EGF: variants seen among roughly 807,000 people sequenced by gnomAD.
EGF encodes epidermal growth factor, also known as pro-epidermal growth factor.
Under a neutral mutation model 143.8 loss-of-function variants are expected in EGF, and 95 were observed. The observed-to-expected ratio is 0.66, with a 90% confidence interval of 0.56 to 0.78. The LOEUF is 0.78. Ranked by LOEUF, EGF falls within the 30% of genes least tolerant of loss-of-function variation. The pLI is 0.00. For missense variants in EGF, 1,320 were observed against 1,470.9 expected, an observed-to-expected ratio of 0.90 and a Z score of 1.68; for synonymous variants, 510 against 510.5, an observed-to-expected ratio of 1.00 and a Z score of 0.01.
At chr4:109,929,734 A>G (rs1739350622) in intron 1 of EGF, among the ~76,000 whole-genome samples, 1 of 152,168 alleles carries the variant, frequency 6.6e-6, no homozygotes, top group Non-Finnish European at 1.5e-5. Context: ...TGGAATTAAG[A>G]CTTAAATTCA....
At chr4:109,962,066 G>T (rs1321690642) in intron 8 of EGF, 81 bp downstream of exon 8, 1 of 1,591,976 alleles carries the variant, frequency 6.3e-7, no homozygotes, top group Admixed American at 1.7e-5. Flanking sequence ...TGATCTTGTT[G>T]TCAAGGAAGA....
chr4:109,987,211 G>A (rs1387588248), intron 16 of EGF, among the ~76,000 whole-genome samples: 1 of 151,978 alleles, frequency 6.6e-6, no homozygotes, highest in Non-Finnish European at 1.5e-5. Context: ...GTTCATATAG[G>A]GTTCCTTGAA....
At chr4:109,970,413 G>C (rs1747376292) in intron 11 of EGF, among the ~76,000 whole-genome samples, 1 of 152,186 alleles carries the variant, frequency 6.6e-6, no homozygotes, top group South Asian at 2.1e-4. Context: ...TAAAAGAAGG[G>C]AGAATGAGGG....
chr4:109,928,441 T>C (rs768650745), intron 1 of EGF, among the ~76,000 whole-genome samples: 3 of 152,076 alleles, frequency 2.0e-5, no homozygotes, highest in Non-Finnish European at 4.4e-5. Context: ...TGGGTTAAGA[T>C]AAGGGGTTGT....
At chr4:109,984,426 A>G (rs1463120586) in intron 16 of EGF, among the ~76,000 whole-genome samples, 1 of 152,164 alleles carries the variant, frequency 6.6e-6, no homozygotes, top group Non-Finnish European at 1.5e-5. Flanking sequence ...TAATTTTAGT[A>G]ATAACAATAA....
At chr4:109,933,573 G>C (rs1740201072) in intron 1 of EGF, among the ~76,000 whole-genome samples, 1 of 151,650 alleles carries the variant, frequency 6.6e-6, no homozygotes, top group African/African-American at 2.4e-5. Context: ...CCCTCCACCA[G>C]CCCCCCACCT....
In EGF at chr4:109,969,206, C is replaced by T. The variant is rs1747172057; in HGVS notation, c.1724+87C>T. On this transcript the variant is annotated intron_variant, in intron 11 of 23. Coordinates refer to ENST00000265171, the MANE Select transcript of EGF (RefSeq NM_001963.6). ...TTGGCTTCATCTTCCACTTTGAACA[C>T]AGAAAAATGTTGCTGGGCATTTGGT... 1.7e-5 allele frequency: 26 copies of T among 1,575,366 alleles called. 1 individual carries two copies. In the Middle Eastern group the frequency reaches 5.0e-4, roughly 31 times the overall value.
At chr4:109,956,968 T>C (rs913065650) in intron 5 of EGF, among the ~76,000 whole-genome samples, 1 of 152,150 alleles carries the variant, frequency 6.6e-6, no homozygotes, top group African/African-American at 2.4e-5. Context: ...CCTCCTGACA[T>C]CATAATCACT....
intron 10 of EGF, among the ~76,000 whole-genome samples, chr4:109,968,079 T>C (rs1290141477): frequency 6.6e-6 from 1 of 151,736 alleles, no homozygotes; most frequent in African/African-American, 2.4e-5. Flanking sequence ...ACTAAACTTA[T>C]AAGAAAAGTA....
intron 3 of EGF, 137 bp from the exon 4 acceptor site, chr4:109,943,705 G>C: frequency 6.2e-6 from 5 of 810,636 alleles, no homozygotes; most frequent in Non-Finnish European, 1.1e-5. Flanking sequence ...CAATAGGGCA[G>C]TGTTTACTTG....
chr4:109,969,114 C>CAG lies in EGF; in HGVS notation c.1722_1723dup (p.Gly575GlufsTer5). ...TTGGCCGTAGATTCTATTGGACAGA[C>CAG]AGAGGGTATGTTTTCTGCTTCAGTT... is the stretch of plus-strand genomic sequence containing the variant. On this transcript the variant is annotated frameshift_variant, in exon 11 of 24. Transcript: ENST00000265171. LOFTEE classifies it high-confidence loss of function. 6.2e-7 allele frequency: 1 copy of CAG among 1,614,080 alleles called. No homozygotes were observed. Among genetic ancestry groups the CAG allele is most frequent in the Non-Finnish European group, 8.5e-7 (1 of 1,180,004 alleles).
chr4:109,963,406 G>A (rs1746032490), intron 9 of EGF, 108 bp downstream of exon 9: 3 of 1,434,002 alleles, frequency 2.1e-6, no homozygotes, highest in East Asian at 2.3e-5. Flanking sequence ...TTTTTGAAAT[G>A]GAAAAAAAGC....
rs1342898570 is a variant in EGF, at chr4:110,012,789, C to A, written c.*1334C>A. Among the ~76,000 whole-genome samples, 1 of 152,132 alleles carries A rather than the reference C, an allele frequency of 6.6e-6. No individual in the cohort carries two copies. Among genetic ancestry groups the A allele is most frequent in the Non-Finnish European group, 1.5e-5 (1 of 68,018 alleles). On this transcript the variant is annotated 3_prime_UTR_variant, in exon 24 of 24. Transcript: ENST00000265171. Reference sequence around the variant, plus strand: ...CATGGTGTTCTAATTAAATATTTTTCTTGCAGCCAAGATATTGTTACTACA... The same window carrying A: ...CATGGTGTTCTAATTAAATATTTTTATTGCAGCCAAGATATTGTTACTACA...
chr4:109,954,989 A>G (rs1211252032), intron 5 of EGF, among the ~76,000 whole-genome samples: 1 of 152,238 alleles, frequency 6.6e-6, no homozygotes, highest in Non-Finnish European at 1.5e-5. Context: ...AATATTGGGG[A>G]TGCCAAATAT....
intron 1 of EGF, among the ~76,000 whole-genome samples, chr4:109,938,824 T>C (rs115758487): frequency 0.03 from 4,598 of 152,316 alleles, 91 homozygotes; most frequent in Middle Eastern, 0.075. Context: ...TTAGACCTTG[T>C]TTGCCTGGGT....
intron 15 of EGF, among the ~76,000 whole-genome samples, chr4:109,981,277 A>C (rs373690766): frequency 3.9e-5 from 6 of 152,184 alleles, no homozygotes; most frequent in African/African-American, 1.2e-4. Context: ...ATCACCTCAC[A>C]AAAATGTTCA....
Position 109,912,950 on chromosome 4 carries a change from T to G in EGF, c.-386T>G. On this transcript the variant is annotated 5_prime_UTR_variant, in exon 1 of 24. Transcript: ENST00000265171. ...TCTTCTTTCAGCCCCAATCCAAGGG[T>G]TGTAGCTGGAACTTTCCATCAGTTC... is the stretch of plus-strand genomic sequence containing the variant. 4.3e-6 allele frequency: 1 copy of G among 234,442 alleles called. No homozygotes were observed. Among genetic ancestry groups the G allele is most frequent in the Admixed American group, 5.1e-5 (1 of 19,420 alleles). The allele number at this position is 234,442 out of a possible 1,614,324, so 14.5% of individuals were successfully genotyped here. A position where few individuals can be genotyped will look rare whatever the true frequency, so the allele number is the denominator to read the frequency against.
At chr4:109,986,726 T>G (rs1157581874) in intron 16 of EGF, among the ~76,000 whole-genome samples, 1 of 150,754 alleles carries the variant, frequency 6.6e-6, no homozygotes, top group African/African-American at 2.5e-5. Context: ...ATTTGGAGAA[T>G]GATTACATAC....
In EGF at chr4:109,961,997, T is replaced by A; in HGVS notation, c.1312+12T>A. 2 of 1,613,562 alleles carry A rather than the reference T, an allele frequency of 1.2e-6. No individual in the cohort carries two copies. Among genetic ancestry groups the A allele is most frequent in the Non-Finnish European group, 1.7e-6 (2 of 1,179,560 alleles). On this transcript the variant is annotated intron_variant, in intron 8 of 23. Coordinates refer to ENST00000265171, the MANE Select transcript of EGF (RefSeq NM_001963.6). The stretch of plus-strand genomic sequence containing the variant: ...GAAAACATGTAGCGGTGAGTTTATT[T>A]GCTTTATTTACCTTTTGTTTGTTTG...
Sources: gnomAD v4.1 joint callset for allele counts (sites outside exome capture counted in the v4.1 genomes callset) on GRCh38, gnomAD v4.1.1 for gene constraint, MANE v1.5 for transcripts, NCBI Gene and HGNC (gene_info 2026-07-23, HGNC 2026-07-21) for gene names.